CCDC178: variants seen among roughly 807,000 people sequenced by gnomAD.
CCDC178 encodes coiled-coil domain containing 178.
A neutral mutation model predicts 117.4 loss-of-function variants in CCDC178; 126 were observed. The observed-to-expected ratio is 1.07, with a 90% confidence interval of 0.93 to 1.24. The LOEUF (loss-of-function observed/expected upper bound fraction) is 1.24, where lower values mean the gene tolerates loss of function less well. CCDC178 is among the 50% of genes most tolerant of loss of function. The pLI is 0.00. For synonymous variants in CCDC178, 283 were observed against 313.4 expected, an observed-to-expected ratio of 0.90 and a Z score of 1.02; for missense variants, 1,030 against 986.9, an observed-to-expected ratio of 1.04 and a Z score of -0.59.
intron 11 of CCDC178, among the ~76,000 whole-genome samples, chr18:33,306,554 TATATATGGTTATATATA>T (rs1441868435): frequency 4.7e-5 from 7 of 147,670 alleles, no homozygotes; most frequent in Admixed American, 6.8e-5. Flanking sequence ...TATGGTTATA[TATATATGGTTATATATA>T]ATATATGGTT....
chr18:32,974,522 T>C, intron 22 of CCDC178, 25 bp downstream of exon 22: 1 of 1,609,094 alleles, frequency 6.2e-7, no homozygotes, highest in Non-Finnish European at 8.5e-7. Context: ...AGAATGATCT[T>C]TCCTACTTCC....
At chr18:33,017,976 C>T (rs1394490351) in intron 21 of CCDC178, among the ~76,000 whole-genome samples, 1 of 151,758 alleles carries the variant, frequency 6.6e-6, no homozygotes, top group Non-Finnish European at 1.5e-5. Context: ...TAAAGGAAAC[C>T]ATTAAGAAAG....
intron 20 of CCDC178, among the ~76,000 whole-genome samples, chr18:33,094,842 T>C (rs999358846): frequency 6.6e-5 from 10 of 151,992 alleles, no homozygotes; most frequent in Non-Finnish European, 1.2e-4. Context: ...TATTTTACAT[T>C]ATCATTTTCC....
At chr18:33,162,039 T>C (rs2058471123) in intron 20 of CCDC178, among the ~76,000 whole-genome samples, 2 of 152,136 alleles carry the variant, frequency 1.3e-5, no homozygotes, top group Non-Finnish European at 2.9e-5. Context: ...CCACCAACAG[T>C]GTAAAAGCTG....
intron 11 of CCDC178, among the ~76,000 whole-genome samples, chr18:33,314,200 C>CA (rs869127341): frequency 0.088 from 5,507 of 62,332 alleles, 1,163 homozygotes; most frequent in Non-Finnish European, 0.13. Context: ...GACTCCGTCT[C>CA]AAAAAAAAAA....
At chr18:33,126,162 G>C (rs1190168293) in intron 20 of CCDC178, among the ~76,000 whole-genome samples, 1 of 152,004 alleles carries the variant, frequency 6.6e-6, no homozygotes, top group Non-Finnish European at 1.5e-5. Flanking sequence ...TGGTAACTTG[G>C]TTTGGATGGT....
At chr18:33,091,146 A>G (rs2057455282) in intron 21 of CCDC178, among the ~76,000 whole-genome samples, 1 of 152,092 alleles carries the variant, frequency 6.6e-6, no homozygotes, top group Non-Finnish European at 1.5e-5. Flanking sequence ...TCAATTATGA[A>G]CAACAAATAG....
chr18:33,156,245 C>G (rs1028853638), intron 20 of CCDC178, among the ~76,000 whole-genome samples: 4 of 151,678 alleles, frequency 2.6e-5, no homozygotes, highest in Non-Finnish European at 5.9e-5. Context: ...CCTGCCACCA[C>G]GCCCAGCTAA....
At chr18:33,104,727 A>G (rs571293020) in intron 20 of CCDC178, among the ~76,000 whole-genome samples, 1 of 151,726 alleles carries the variant, frequency 6.6e-6, no homozygotes, top group African/African-American at 2.4e-5. Flanking sequence ...TTAAACATAG[A>G]TGGTGTAATT....
At chr18:33,200,069 T>A (rs935617593) in intron 20 of CCDC178, among the ~76,000 whole-genome samples, 2 of 152,218 alleles carry the variant, frequency 1.3e-5, no homozygotes, top group African/African-American at 4.8e-5. Flanking sequence ...CACTCTTTCA[T>A]CTCACTAGAA....
intron 20 of CCDC178, among the ~76,000 whole-genome samples, chr18:33,116,739 C>A (rs1054890117): frequency 8.3e-6 from 1 of 120,420 alleles, no homozygotes; most frequent in Non-Finnish European, 1.7e-5. Flanking sequence ...GGGAAGAACC[C>A]CCTGTCAAAG....
At position 33,296,366 on chromosome 18, in the gene CCDC178, G is replaced by A. The variant is rs114519513; in HGVS notation, c.1023-3054C>T. Among the ~76,000 whole-genome samples, 713 of 151,752 alleles carry A rather than the reference G, an allele frequency of 4.7e-3. 5 individuals are homozygous for A. Among genetic ancestry groups the A allele is most frequent in the African/African-American group, 0.016 (680 of 41,342 alleles). ...GTAGTGGTAGTTACTGAATCTATAC[G>A]AGATAAAATGGCATATAATAATAAA... is the stretch of plus-strand genomic sequence containing the variant. On this transcript the variant is annotated intron_variant, in intron 11 of 22. Transcript: ENST00000383096.
intron 2 of CCDC178, 87 bp from the exon 3 acceptor site, chr18:33,412,197 T>C: frequency 3.9e-6 from 2 of 515,336 alleles, no homozygotes; most frequent in Non-Finnish European, 3.4e-6. Context: ...CAAGAACTGA[T>C]AGTGTAAAAT....
At chr18:33,167,866 CTAAATAAA>C (rs34929402) in intron 20 of CCDC178, among the ~76,000 whole-genome samples, 5,986 of 148,708 alleles carry the variant, frequency 0.04, 385 homozygotes, top group African/African-American at 0.14. Context: ...GACTCTGTCT[CTAAATAAA>C]TAAATAAATA....
chr18:33,428,543 C>T (rs1046072300), intron 2 of CCDC178, among the ~76,000 whole-genome samples: 1 of 151,664 alleles, frequency 6.6e-6, no homozygotes, highest in Non-Finnish European at 1.5e-5. Context: ...ACCATGCTGG[C>T]CAACATGGTG....
At chr18:33,092,692 C>G in intron 21 of CCDC178, 69 bp downstream of exon 21, 1 of 1,090,988 alleles carries the variant, frequency 9.2e-7, no homozygotes, top group Non-Finnish European at 1.3e-6. Flanking sequence ...CCCAAACTGA[C>G]TACTTTTTAC....
intron 21 of CCDC178, among the ~76,000 whole-genome samples, chr18:33,083,251 C>T (rs1883435699): frequency 6.6e-6 from 1 of 152,148 alleles, no homozygotes; most frequent in Admixed American, 6.5e-5. Context: ...GGATTCAAAC[C>T]CAGGCAGTCT....
rs767557226 is a variant in CCDC178 at position 33,337,008 on chromosome 18, T to C, written c.659-3614A>G. Among the ~76,000 whole-genome samples, 4 of 152,236 alleles carry C rather than the reference T, an allele frequency of 2.6e-5. No individual in the cohort carries two copies. In the East Asian group the frequency reaches 5.8e-4, roughly 22 times the overall value. On this transcript the variant is annotated intron_variant, in intron 9 of 22. Coordinates refer to ENST00000383096, the MANE Select transcript of CCDC178 (RefSeq NM_001105528.4). ...TTTGGCCATATGGTCATTTTCACAA[T>C]GTTGATTCTATCCATCCATGAGCAT...
At chr18:33,435,486 A>G (rs2064276197) in intron 2 of CCDC178, among the ~76,000 whole-genome samples, 1 of 151,998 alleles carries the variant, frequency 6.6e-6, no homozygotes, top group Admixed American at 6.6e-5. Context: ...TATGCTTGGC[A>G]CTGATGATGC....
Sources: gnomAD v4.1 joint callset for allele counts (sites outside exome capture counted in the v4.1 genomes callset) on GRCh38, gnomAD v4.1.1 for gene constraint, MANE v1.5 for transcripts, NCBI Gene and HGNC (gene_info 2026-07-23, HGNC 2026-07-21) for gene names.